The following ATP10A variants were observed in gnomAD, a reference collection of about 807,000 sequenced individuals.
The protein encoded by ATP10A is phospholipid-transporting ATPase VA.
ATP10A carries 111 observed loss-of-function variants against 147.8 expected under a neutral mutation model. The observed-to-expected ratio is 0.75, with a 90% CI of 0.64 to 0.88. ATP10A has a LOEUF of 0.88. Among genes scored for constraint, ATP10A ranks in the 40% least tolerant of loss-of-function variants. The pLI is 0.00. For synonymous variants in ATP10A, 875 were observed against 841.6 expected, an observed-to-expected ratio of 1.04 and a Z score of -0.69; for missense variants, 1,927 against 1,959.0, an observed-to-expected ratio of 0.98 and a Z score of 0.31.
At chr15:25,726,219 A>T in intron 4 of ATP10A, 137 bp from the exon 5 acceptor site, 3 of 906,338 alleles carry the variant, frequency 3.3e-6, no homozygotes, top group Non-Finnish European at 4.8e-6. Flanking sequence ...AGCAGGGTTT[A>T]AAATTAATCT....
intron 1 of ATP10A, among the ~76,000 whole-genome samples, chr15:25,851,414 C>A (rs960559976): frequency 3.3e-5 from 5 of 151,810 alleles, no homozygotes; most frequent in African/African-American, 1.2e-4. Flanking sequence ...AAAAATCAAT[C>A]AAAGACATCG....
intron 1 of ATP10A, among the ~76,000 whole-genome samples, chr15:25,828,855 G>T (rs567784269): frequency 6.6e-6 from 1 of 152,074 alleles, no homozygotes; most frequent in African/African-American, 2.4e-5. Context: ...GACTATCCTC[G>T]GGCACTGTGA....
intron 1 of ATP10A, among the ~76,000 whole-genome samples, chr15:25,805,182 C>T (rs1891126007): frequency 6.6e-6 from 1 of 152,150 alleles, no homozygotes; most frequent in Non-Finnish European, 1.5e-5. Context: ...CCCAGTGATC[C>T]TTCTCAAGTT....
intron 1 of ATP10A, among the ~76,000 whole-genome samples, chr15:25,800,263 G>A (rs529165763): frequency 1.3e-5 from 2 of 152,144 alleles, no homozygotes; most frequent in Non-Finnish European, 2.9e-5. Flanking sequence ...TTGGCTGCAG[G>A]TTCCCGTAGG....
chr15:25,848,516 G>A (rs1353757023), intron 1 of ATP10A, among the ~76,000 whole-genome samples: 1 of 152,070 alleles, frequency 6.6e-6, no homozygotes, highest in Non-Finnish European at 1.5e-5. Flanking sequence ...GGGTCAAAAC[G>A]ATGGTTTCGG....
intron 1 of ATP10A, among the ~76,000 whole-genome samples, chr15:25,850,602 C>T (rs1046574516): frequency 1.3e-5 from 2 of 151,442 alleles, no homozygotes; most frequent in East Asian, 2.0e-4. Context: ...GAGCGTCCGG[C>T]GGCAGCGGAC....
At chr15:25,840,754 A>ACATTCC (rs914870846) in intron 1 of ATP10A, among the ~76,000 whole-genome samples, 23 of 152,300 alleles carry the variant, frequency 1.5e-4, no homozygotes, top group Non-Finnish European at 5.9e-5. Flanking sequence ...GGTATGTTTT[A>ACATTCC]CATTCCCACA....
intron 1 of ATP10A, among the ~76,000 whole-genome samples, chr15:25,823,602 A>G (rs73368983): frequency 6.6e-6 from 1 of 152,324 alleles, no homozygotes; most frequent in East Asian, 1.9e-4. Context: ...GAAGTCTTCC[A>G]AGGAAGTTAC....
At chr15:25,771,752 C>A (rs2140667441) in intron 2 of ATP10A, among the ~76,000 whole-genome samples, 1 of 151,562 alleles carries the variant, frequency 6.6e-6, no homozygotes, top group East Asian at 1.9e-4. Flanking sequence ...CTGAAAGCCA[C>A]CTTTTTTTTT....
rs758724428 is a variant in ATP10A at position 25,718,340 on chromosome 15, C to G, written c.1423G>C (p.Gly475Arg). ...CTGCCGCGCTGGGACACCGAGCCCC[C>G]TCTGGGCACCACCTCCTCCTCCTCC... ...DSEEEEVVPR[G>R]GSVSQRGSIG... is the part of the protein sequence containing the mutation. Residue 475 changes from glycine (G) to arginine (R), a missense_variant, in exon 8 of 21, where the codon GGG (glycine) becomes CGG (arginine). By Grantham distance (125) the Gly-to-Arg change is moderately radical (BLOSUM62 -2). Transcript: ENST00000555815. The G allele has an allele frequency of 2.3e-5, 37 of 1,610,368 alleles. No homozygotes were observed. The highest frequency in any genetic ancestry group is 6.6e-5 in the South Asian group (6 of 90,696).
chr15:25,769,686 G>A (rs184679553), intron 2 of ATP10A, among the ~76,000 whole-genome samples: 240 of 152,056 alleles, frequency 1.6e-3, no homozygotes, highest in African/African-American at 5.4e-3. Context: ...GAGAGAATTG[G>A]GATGCAGTGA....
At chr15:25,723,345 T>TA (rs1352505377) in intron 6 of ATP10A, among the ~76,000 whole-genome samples, 43 of 110,516 alleles carry the variant, frequency 3.9e-4, no homozygotes, top group Non-Finnish European at 4.4e-4. Flanking sequence ...AGACTCTGTC[T>TA]AAAAAAAAAA....
chr15:25,728,602 GC>G (rs1389851620), intron 3 of ATP10A, among the ~76,000 whole-genome samples: 1 of 152,208 alleles, frequency 6.6e-6, no homozygotes, highest in African/African-American at 2.4e-5. Context: ...GACTTCTCCA[GC>G]GAAAGCCAGA....
downstream of ATP10A, among the ~76,000 whole-genome samples, chr15:25,676,640 T>A (rs1363778566): frequency 6.6e-6 from 1 of 152,230 alleles, no homozygotes; most frequent in Non-Finnish European, 1.5e-5. Context: ...AGTACATCAC[T>A]TGGGCGATTC....
intron 2 of ATP10A, among the ~76,000 whole-genome samples, chr15:25,741,147 G>A (rs1295225974): frequency 1.3e-5 from 2 of 152,232 alleles, no homozygotes; most frequent in African/African-American, 4.8e-5. Flanking sequence ...GGCTGGAGCT[G>A]GCTCCCATTC....
At chr15:25,785,362 G>A (rs1363112181) in intron 1 of ATP10A, among the ~76,000 whole-genome samples, 1 of 152,196 alleles carries the variant, frequency 6.6e-6, no homozygotes, top group African/African-American at 2.4e-5. Context: ...AACATGGCGA[G>A]GGGAGGGGCC....
chr15:25,677,704 C>A (rs1899167687), downstream of ATP10A: 1 of 152,364 alleles, frequency 6.6e-6, no homozygotes, highest in African/African-American at 2.4e-5. Context: ...AAATCACTGG[C>A]TGAAGCCCCC....
At chr15:25,795,417 T>C (rs915464510) in intron 1 of ATP10A, among the ~76,000 whole-genome samples, 13 of 151,840 alleles carry the variant, frequency 8.6e-5, no homozygotes, top group African/African-American at 2.7e-4. Context: ...AGTGACAGCC[T>C]CTTCCCTACA....
At chr15:25,780,805 A>G (rs1889882602) in intron 2 of ATP10A, among the ~76,000 whole-genome samples, 1 of 152,212 alleles carries the variant, frequency 6.6e-6, no homozygotes, top group South Asian at 2.1e-4. Context: ...AAGAAATCAG[A>G]GTCAGAGAAA....
Sources: allele counts gnomAD v4.1 joint callset (sites outside exome capture counted in the v4.1 genomes callset), GRCh38; gene constraint gnomAD v4.1.1; transcripts MANE v1.5; gene names NCBI Gene and HGNC (gene_info 2026-07-23, HGNC 2026-07-21).